Variants in ARPP21 observed in about 807,000 individuals in gnomAD.
ARPP21 encodes cAMP regulated phosphoprotein 21.
ARPP21 carries 69 observed loss-of-function variants against 113.2 expected under a neutral mutation model. That is an observed-to-expected ratio of 0.61 (90% CI 0.50 to 0.74). The LOEUF is 0.74. ARPP21 is among the 30% of genes least tolerant of loss of function. The pLI, the probability that ARPP21 is intolerant of heterozygous loss-of-function variation, is 0.00. For missense variants in ARPP21, 1,070 were observed against 1,037.4 expected, an observed-to-expected ratio of 1.03 and a Z score of -0.43; for synonymous variants, 368 against 375.5, an observed-to-expected ratio of 0.98 and a Z score of 0.23.
chr3:35,686,875 A>G (rs1348388585), intron 5 of ARPP21, among the ~76,000 whole-genome samples: 1 of 151,542 alleles, frequency 6.6e-6, no homozygotes, highest in African/African-American at 2.4e-5. Context: ...AATTGCTGAT[A>G]TATGTGAGTT....
chr3:35,668,718 A>C (rs940317850), intron 1 of ARPP21, among the ~76,000 whole-genome samples: 1 of 152,314 alleles, frequency 6.6e-6, no homozygotes, highest in South Asian at 2.1e-4. Context: ...ACTGACTAAA[A>C]GTAGTCATTT....
At chr3:35,760,116 T>C (rs985990954) in intron 19 of ARPP21, among the ~76,000 whole-genome samples, 15 of 152,080 alleles carry the variant, frequency 9.9e-5, no homozygotes, top group African/African-American at 3.6e-4. Context: ...AAAAATGACA[T>C]GCCAGGGTTT....
intron 9 of ARPP21, 142 bp downstream of exon 9, chr3:35,691,147 G>C: frequency 1.1e-6 from 1 of 877,782 alleles, no homozygotes; most frequent in Non-Finnish European, 1.6e-6. Flanking sequence ...AAGTAGTGTG[G>C]CATTTATCTG....
intron 19 of ARPP21, chr3:35,785,213 G>A (rs781536735): frequency 8.5e-5 from 13 of 152,098 alleles, no homozygotes; most frequent in Non-Finnish European, 1.6e-4. Flanking sequence ...TAATTAACAC[G>A]ACGGGTAGAG....
At chr3:35,681,980 A>G in intron 3 of ARPP21, 100 bp downstream of exon 3, 1 of 1,344,180 alleles carries the variant, frequency 7.4e-7, no homozygotes, top group Non-Finnish European at 1.0e-6. Context: ...AAAGAGTTTC[A>G]CTGGTTATAT....
intron 19 of ARPP21, among the ~76,000 whole-genome samples, chr3:35,762,126 T>TCTCTCACACACACACA (rs1424526664): frequency 7.9e-6 from 1 of 126,956 alleles, no homozygotes; most frequent in Non-Finnish European, 1.8e-5. Context: ...TCTCTCTCTC[T>TCTCTCACACACACACA]CACACACACA....
chr3:35,789,600 G>A (rs1030914377), intron 19 of ARPP21, among the ~76,000 whole-genome samples: 7 of 152,130 alleles, frequency 4.6e-5, no homozygotes, highest in Non-Finnish European at 8.8e-5. Context: ...TGTAAAGCTC[G>A]TAGCCCATTG....
At position 35,671,778 on chromosome 3, in the gene ARPP21, G is replaced by A. The variant is rs556483798; in HGVS notation, c.-212-8009G>A. On this transcript the variant is annotated intron_variant, in intron 1 of 20. Coordinates refer to ENST00000684406, the MANE Select transcript of ARPP21 (RefSeq NM_001385562.1). ...AAGAAGTCAAGTGTGGAAGAAAGGAGAGAAAGACATTGCTTTATCTAGTAT... is the reference window on the plus strand; with the variant it reads ...AAGAAGTCAAGTGTGGAAGAAAGGAAAGAAAGACATTGCTTTATCTAGTAT... Among the ~76,000 whole-genome samples the A allele has an allele frequency of 2.0e-5, 3 of 152,076 alleles. No individual in the cohort carries two copies. In the East Asian group the frequency reaches 5.8e-4, roughly 30 times the overall value.
intron 15 of ARPP21, among the ~76,000 whole-genome samples, chr3:35,729,817 A>G (rs1313023045): frequency 1.3e-5 from 2 of 152,202 alleles, no homozygotes; most frequent in Non-Finnish European, 2.9e-5. Flanking sequence ...GGTGTCTCTC[A>G]TGCATGCTTA....
rs185867328 is a variant in ARPP21 at position 35,793,829 on chromosome 3, G to A, written c.2415G>A (p.Pro805=). The change falls in exon 21 of 21, where the codon CCG becomes CCA. Residue 805 remains proline, a synonymous_variant. Transcript: ENST00000684406. ...TGCCTGTTTACTGTAATGTCACACCGCCCACCCCTCAGAACAACCTTAGGC... is the reference window on the plus strand; with the variant it reads ...TGCCTGTTTACTGTAATGTCACACCACCCACCCCTCAGAACAACCTTAGGC... ...TGMPVYCNVT[P]PTPQNNLRLI... 1,545 of 1,614,112 alleles carry A rather than the reference G, an allele frequency of 9.6e-4. 13 individuals are homozygous for A. The highest frequency in any genetic ancestry group is 1.9e-4 in the Non-Finnish European group (226 of 1,180,028).
chr3:35,728,873 G>A (rs150438367), intron 14 of ARPP21, among the ~76,000 whole-genome samples: 1,925 of 152,192 alleles, frequency 0.013, 44 homozygotes, highest in African/African-American at 0.044. Context: ...ACATCATAGG[G>A]CTCTTCCTTA....
intron 19 of ARPP21, among the ~76,000 whole-genome samples, chr3:35,789,630 A>G (rs186758665): frequency 3.3e-5 from 5 of 152,288 alleles, no homozygotes; most frequent in Admixed American, 3.3e-4. Flanking sequence ...ACTGAATATT[A>G]AAGTTCACAA....
At chr3:35,695,169 G>T (rs2083486088) in intron 9 of ARPP21, among the ~76,000 whole-genome samples, 1 of 151,256 alleles carries the variant, frequency 6.6e-6, no homozygotes, top group Admixed American at 6.6e-5. Context: ...ACATCTACAA[G>T]AGCATCAAGT....
intron 19 of ARPP21, chr3:35,774,860 T>G (rs976708568): frequency 6.6e-6 from 1 of 152,168 alleles, no homozygotes; most frequent in Non-Finnish European, 1.5e-5. Context: ...TTTGATGTGA[T>G]CCATATTTCT....
chr3:35,726,889 G>T (rs1273258860), intron 14 of ARPP21, among the ~76,000 whole-genome samples: 1 of 152,058 alleles, frequency 6.6e-6, no homozygotes, highest in African/African-American at 2.4e-5. Context: ...TTGTTGAATT[G>T]TTTACATTGT....
chr3:35,775,806 G>T (rs930790445), intron 19 of ARPP21, among the ~76,000 whole-genome samples: 1 of 151,946 alleles, frequency 6.6e-6, no homozygotes, highest in African/African-American at 2.4e-5. Flanking sequence ...AAAGAATAAA[G>T]GCTATCTATA....
chr3:35,774,542 T>G (rs1335181807), intron 19 of ARPP21, among the ~76,000 whole-genome samples: 1 of 151,942 alleles, frequency 6.6e-6, no homozygotes, highest in Non-Finnish European at 1.5e-5. Flanking sequence ...TCTGGAGGAG[T>G]GTATTGAGAA....
intron 1 of ARPP21, among the ~76,000 whole-genome samples, chr3:35,667,397 T>C (rs2074657577): frequency 6.6e-6 from 1 of 152,176 alleles, no homozygotes; most frequent in Non-Finnish European, 1.5e-5. Context: ...CATAATCTCA[T>C]GACTAGTTAA....
intron 1 of ARPP21, among the ~76,000 whole-genome samples, chr3:35,675,241 T>G (rs1245951044): frequency 6.6e-6 from 1 of 151,292 alleles, no homozygotes; most frequent in Admixed American, 6.6e-5. Flanking sequence ...AGAATGATGT[T>G]GGAAATGTAA....
Sources: allele counts gnomAD v4.1 joint callset (sites outside exome capture counted in the v4.1 genomes callset), GRCh38; gene constraint gnomAD v4.1.1; transcripts MANE v1.5; gene names NCBI Gene and HGNC (gene_info 2026-07-23, HGNC 2026-07-21).